POU2F1: variants seen among roughly 807,000 people sequenced by gnomAD.
POU2F1 encodes POU domain, class 2, transcription factor 1.
In POU2F1, 16 loss-of-function variants were observed where a neutral mutation model predicts 84.9. The ratio of observed to expected loss-of-function variants is 0.19; its 90% CI spans 0.13 to 0.29. The LOEUF (loss-of-function observed/expected upper bound fraction) is 0.29, where lower values mean the gene tolerates loss of function less well. POU2F1 is among the 10% of genes least tolerant of loss of function. The probability of loss-of-function intolerance (pLI) is 1.00; values close to 1 mark genes in which losing one functional copy is unlikely to be tolerated. For missense variants in POU2F1, 738 were observed against 942.6 expected (o/e 0.78, Z 2.84); for synonymous variants, 368 against 368.3 (o/e 1.00, Z 0.01).
At chr1:167,246,454 A>G (rs1335856917) in intron 1 of POU2F1, among the ~76,000 whole-genome samples, 2 of 152,126 alleles carry the variant, frequency 1.3e-5, no homozygotes, top group Non-Finnish European at 2.9e-5. Flanking sequence ...TGTGTGTTTT[A>G]CTTTTCTCTT....
intron 2 of POU2F1, among the ~76,000 whole-genome samples, chr1:167,347,161 G>C (rs1658259238): frequency 6.6e-6 from 1 of 152,106 alleles, no homozygotes; most frequent in African/African-American, 2.4e-5. Flanking sequence ...ATTTTGCCTT[G>C]ACTGCCTTAA....
In POU2F1 at chr1:167,396,196, T is replaced by G. The variant is rs917678579; in HGVS notation, c.988-90T>G. 14 of 1,447,296 alleles carry G rather than the reference T, an allele frequency of 9.7e-6. No homozygotes were observed. The African/African-American group carries it at 1.3e-4, about 13-fold the overall frequency. The allele number at this position is 1,447,296 out of a possible 1,614,324, so 89.7% of individuals were successfully genotyped here. On this transcript the variant is annotated intron_variant, in intron 9 of 15. Coordinates refer to ENST00000367866, the MANE Select transcript of POU2F1 (RefSeq NM_002697.4). ...ACTGACTCCTTGTCTAAAGCAGTTA[T>G]TGGAGCAACACCCCAGAGTGAAGGC... is the stretch of plus-strand genomic sequence containing the variant.
chr1:167,401,555 A>G lies in POU2F1; in HGVS notation c.1554A>G (p.Thr518=). The G allele has an allele frequency of 6.2e-7, 1 of 1,601,564 alleles. No homozygotes were observed. Among genetic ancestry groups the G allele is most frequent in the Admixed American group, 1.7e-5 (1 of 58,518 alleles). ...CTGCTGTGACGAATCTTTCAGTTAC[A>G]GGTAAGCAGCTGCCAGGCCATGCAC... ...TSAAVTNLSV[T]GTSDTTSNNT... is the part of the protein sequence containing the mutation. The change falls in exon 13 of 16, where the codon ACA becomes ACG. Residue 518 remains threonine (T), a splice_region_variant and synonymous_variant. Transcript: ENST00000367866.
intron 1 of POU2F1, among the ~76,000 whole-genome samples, chr1:167,274,268 G>C (rs962547589): frequency 6.6e-6 from 1 of 152,076 alleles, no homozygotes; most frequent in Non-Finnish European, 1.5e-5. Context: ...TTAATCTGTT[G>C]CTTCTCACCC....
intron 1 of POU2F1, among the ~76,000 whole-genome samples, chr1:167,288,983 C>T (rs1367192212): frequency 1.3e-5 from 2 of 152,070 alleles, no homozygotes; most frequent in Non-Finnish European, 2.9e-5. Context: ...CATCACAAAC[C>T]GGAAGCTTGG....
At chr1:167,301,315 G>A (rs931853451) in intron 1 of POU2F1, among the ~76,000 whole-genome samples, 1 of 152,282 alleles carries the variant, frequency 6.6e-6, no homozygotes, top group East Asian at 1.9e-4. Flanking sequence ...TCACAGACAC[G>A]TTAGTTACTG....
chr1:167,285,992 T>C (rs1192994734), intron 1 of POU2F1, among the ~76,000 whole-genome samples: 2 of 152,104 alleles, frequency 1.3e-5, no homozygotes, highest in Non-Finnish European at 2.9e-5. Flanking sequence ...AGTAATTTTA[T>C]TTGACTGGAT....
chr1:167,344,809 AAT>A (rs575348572), intron 2 of POU2F1, among the ~76,000 whole-genome samples: 289 of 152,272 alleles, frequency 1.9e-3, no homozygotes, highest in African/African-American at 6.6e-3. Context: ...AAGCAATTTG[AAT>A]ATGTTTAGAT....
chr1:167,383,766 A>G lies in POU2F1; in HGVS notation c.719-91A>G, dbSNP rs1647741555. 6.9e-6 allele frequency: 8 copies of G among 1,161,666 alleles called. No homozygotes were observed. In the South Asian group the frequency reaches 8.6e-5, roughly 12 times the overall value. The allele number at this position is 1,161,666 out of a possible 1,614,324, so 72.0% of individuals were successfully genotyped here. The stretch of plus-strand genomic sequence containing the variant: ...TAAGACTACCAGAGATCAACTGGAA[A>G]TTTTCAGCTCATTTTCTGATTCTTT... On this transcript the variant is annotated intron_variant, in intron 7 of 15. Coordinates refer to ENST00000367866, the MANE Select transcript of POU2F1 (RefSeq NM_002697.4).
intron 9 of POU2F1, among the ~76,000 whole-genome samples, chr1:167,394,595 T>A: frequency 6.6e-6 from 1 of 152,202 alleles, no homozygotes; most frequent in East Asian, 1.9e-4. Flanking sequence ...TGTCTACTTA[T>A]GGCTATTGAG....
At chr1:167,353,637 T>C (rs188757651) in intron 2 of POU2F1, among the ~76,000 whole-genome samples, 1 of 152,348 alleles carries the variant, frequency 6.6e-6, no homozygotes, top group East Asian at 1.9e-4. Flanking sequence ...ACTCACCACC[T>C]TGGCTTCATT....
At position 167,426,419 on chromosome 1, in the gene POU2F1, AAAG is replaced by A. The variant is rs535035149; in HGVS notation, c.*10612_*10614del. 167 of 152,312 alleles carry A rather than the reference AAAG, an allele frequency of 1.1e-3. 1 individual carries two copies. The highest frequency in any genetic ancestry group is 3.9e-3 in the African/African-American group (162 of 41,562). The allele number at this position is 152,312 out of a possible 1,614,324, so 9.4% of individuals were successfully genotyped here. A position where few individuals can be genotyped will look rare whatever the true frequency, so the allele number is the denominator to read the frequency against. On this transcript the variant is annotated 3_prime_UTR_variant, in exon 16 of 16. Transcript: ENST00000367866. Reference sequence around the variant, plus strand: ...TCACTGCCTAGGTGTTCATAATAAAAAAGAAAATGAAAAAAGTTCTGAGTGTAC... The same window carrying A: ...TCACTGCCTAGGTGTTCATAATAAAAAAAATGAAAAAAGTTCTGAGTGTAC...
chr1:167,251,506 A>C (rs143349273), intron 1 of POU2F1, among the ~76,000 whole-genome samples: 1 of 152,360 alleles, frequency 6.6e-6, no homozygotes, highest in African/African-American at 2.4e-5. Context: ...TATTTGGTAG[A>C]GTATGGAGGG....
chr1:167,353,676 A>T (rs1453213168), intron 2 of POU2F1, among the ~76,000 whole-genome samples: 1 of 152,172 alleles, frequency 6.6e-6, no homozygotes, highest in Non-Finnish European at 1.5e-5. Context: ...TATTCCTTGC[A>T]ATCTGGATGT....
chr1:167,413,084 A>G lies in POU2F1; in HGVS notation c.1960A>G (p.Met654Val), dbSNP rs1650072698. ...TLSGALSPAL[M>V]SNSTLATIQA... ...GAGCGGTGCTCTCAGCCCAGCTCTA[A>G]TGAGCAACAGTACACTGGCAACTAT... Residue 654 changes from methionine to valine, a missense_variant, in exon 15 of 16, where the codon ATG becomes GTG. By Grantham distance (21) the Met-to-Val change is conservative. This residue lies in a region of POU2F1 where 319 missense variants were observed against 386.0 expected (regional missense o/e 0.83). Coordinates refer to ENST00000367866, the MANE Select transcript of POU2F1 (RefSeq NM_002697.4). The G allele has an allele frequency of 1.2e-6, 2 of 1,613,898 alleles. No homozygotes were observed. The highest frequency in any genetic ancestry group is 1.7e-5 in the Admixed American group (1 of 60,004).
intron 5 of POU2F1, among the ~76,000 whole-genome samples, chr1:167,372,568 T>G (rs1201412669): frequency 6.6e-6 from 1 of 152,244 alleles, no homozygotes; most frequent in Non-Finnish European, 1.5e-5. Flanking sequence ...ATGGAGATAC[T>G]AATAATACCT....
At chr1:167,246,203 A>G (rs147990379) in intron 1 of POU2F1, among the ~76,000 whole-genome samples, 1,965 of 152,260 alleles carry the variant, frequency 0.013, 40 homozygotes, top group African/African-American at 0.043. Flanking sequence ...TTTTTCATGA[A>G]GACCCACCTA....
chr1:167,379,512 T>C (rs768266283), intron 7 of POU2F1: 2 of 152,134 alleles, frequency 1.3e-5, no homozygotes, highest in Non-Finnish European at 2.9e-5. Flanking sequence ...AGAGAAAATA[T>C]ATATGTAGTG....
chr1:167,415,430 G>A lies in POU2F1; in HGVS notation c.1991-70G>A, dbSNP rs985915477. On this transcript the variant is annotated intron_variant, in intron 15 of 15. Transcript: ENST00000367866. ...TAGGAAAATGATAGACTTTTGATGT[G>A]TTATTTGGCTTCTCCAGGATGATGT... 4.0e-5 allele frequency: 60 copies of A among 1,494,886 alleles called. 2 individuals are homozygous for A. The highest frequency in any genetic ancestry group is 5.0e-5 in the Non-Finnish European group (55 of 1,094,868). The allele number at this position is 1,494,886 out of a possible 1,614,324, so 92.6% of individuals were successfully genotyped here. A position where few individuals can be genotyped will look rare whatever the true frequency, so the allele number is the denominator to read the frequency against.
Sources: allele counts gnomAD v4.1 joint callset (sites outside exome capture counted in the v4.1 genomes callset), GRCh38; gene constraint gnomAD v4.1.1; regional missense constraint gnomAD v4.1.1; transcripts MANE v1.5; gene names NCBI Gene and HGNC (gene_info 2026-07-23, HGNC 2026-07-21).